AGMO: variants seen among roughly 807,000 people sequenced by gnomAD.
The protein encoded by AGMO is glyceryl-ether monooxygenase.
A neutral mutation model predicts 60.2 loss-of-function variants in AGMO; 75 were observed. The ratio of observed to expected loss-of-function variants is 1.25; its 90% CI spans 1.03 to 1.51. AGMO has a LOEUF of 1.51. AGMO is among the 40% of genes most tolerant of loss of function. AGMO has a pLI of 0.00. For missense variants in AGMO, 763 were observed against 525.5 expected, an observed-to-expected ratio of 1.45 and a Z score of -4.42; for synonymous variants, 261 against 177.1, an observed-to-expected ratio of 1.47 and a Z score of -3.76.
At chr7:15,349,147 A>G (rs1301149241) in intron 12 of AGMO, among the ~76,000 whole-genome samples, 2 of 152,122 alleles carry the variant, frequency 1.3e-5, no homozygotes, top group Admixed American at 1.3e-4. Context: ...TAAATGTTCT[A>G]TATACAGGCC....
At chr7:15,159,164 A>G in the AGMO span, among the ~76,000 whole-genome samples, 3 of 152,170 alleles carry the variant, frequency 2.0e-5, no homozygotes, top group Non-Finnish European at 2.9e-5. Flanking sequence ...TCCCTCAACA[A>G]TGACTGATTG....
intron 3 of AGMO, among the ~76,000 whole-genome samples, chr7:15,478,435 T>C (rs1266644255): frequency 6.6e-6 from 1 of 152,174 alleles, no homozygotes; most frequent in Non-Finnish European, 1.5e-5. Flanking sequence ...TTAACTGCTT[T>C]ATCCTTTCCA....
At chr7:15,344,886 A>C (rs1583433001) in intron 12 of AGMO, among the ~76,000 whole-genome samples, 1 of 152,168 alleles carries the variant, frequency 6.6e-6, no homozygotes, top group African/African-American at 2.4e-5. Context: ...ACTCTATCAC[A>C]TCAGTTAGAT....
chr7:15,265,878 G>C (rs182348633), intron 12 of AGMO, among the ~76,000 whole-genome samples: 1 of 152,186 alleles, frequency 6.6e-6, no homozygotes, highest in East Asian at 1.9e-4. Flanking sequence ...CATGGAGTCA[G>C]TGTATGTTCA....
intron 3 of AGMO, among the ~76,000 whole-genome samples, chr7:15,479,772 T>C (rs1782700624): frequency 6.6e-6 from 1 of 152,192 alleles, no homozygotes; most frequent in Admixed American, 6.5e-5. Flanking sequence ...ACATGGGCTC[T>C]GCTCTTTGAG....
intron 4 of AGMO, among the ~76,000 whole-genome samples, chr7:15,421,604 G>A (rs749515660): frequency 1.2e-4 from 18 of 152,074 alleles, no homozygotes; most frequent in African/African-American, 3.4e-4. Context: ...TAGCAGTGTC[G>A]GAAGACACCC....
At chr7:15,445,020 A>T (rs926002333) in intron 3 of AGMO, among the ~76,000 whole-genome samples, 4 of 152,116 alleles carry the variant, frequency 2.6e-5, no homozygotes, top group South Asian at 2.1e-4. Flanking sequence ...ATTTCTCTTT[A>T]TGTATTTGTG....
intron 12 of AGMO, among the ~76,000 whole-genome samples, chr7:15,356,070 G>C (rs78223130): frequency 0.014 from 2,168 of 152,222 alleles, 55 homozygotes; most frequent in African/African-American, 0.049. Flanking sequence ...TTAGAAATCT[G>C]ACAATTACAA....
intron 12 of AGMO, among the ~76,000 whole-genome samples, chr7:15,325,784 A>G (rs1245194916): frequency 6.6e-6 from 1 of 152,126 alleles, no homozygotes; most frequent in Non-Finnish European, 1.5e-5. Flanking sequence ...TTAATTTTTC[A>G]TTAGGATTAT....
intron 3 of AGMO, among the ~76,000 whole-genome samples, chr7:15,452,809 C>A (rs148342116): frequency 6.6e-6 from 1 of 151,840 alleles, no homozygotes; most frequent in African/African-American, 2.4e-5. Context: ...TTTAGAGTAG[C>A]CAAAAAGTGG....
the AGMO span, among the ~76,000 whole-genome samples, chr7:15,184,422 A>T: frequency 8.1e-6 from 1 of 123,294 alleles, no homozygotes; most frequent in Non-Finnish European, 1.7e-5. Flanking sequence ...GGAAGGAAGG[A>T]AAAGAAGGAA....
At chr7:15,407,581 T>C (rs1369172907) in intron 5 of AGMO, among the ~76,000 whole-genome samples, 3 of 151,766 alleles carry the variant, frequency 2.0e-5, no homozygotes, top group Non-Finnish European at 4.4e-5. Flanking sequence ...TTTCTAAGAA[T>C]ATGTTAAGTA....
At chr7:15,209,672 T>A (rs1299805911) in intron 12 of AGMO, among the ~76,000 whole-genome samples, 1 of 152,066 alleles carries the variant, frequency 6.6e-6, no homozygotes, top group Non-Finnish European at 1.5e-5. Flanking sequence ...AAGTCTCAAG[T>A]CATAAACTGC....
At chr7:15,273,734 T>C (rs1183309425) in intron 12 of AGMO, among the ~76,000 whole-genome samples, 3 of 152,214 alleles carry the variant, frequency 2.0e-5, no homozygotes, top group Non-Finnish European at 4.4e-5. Context: ...TTTCACGGTA[T>C]TGATTCTTCC....
chr7:15,384,624 G>T (rs1169384774), intron 10 of AGMO, among the ~76,000 whole-genome samples: 2 of 151,892 alleles, frequency 1.3e-5, no homozygotes, highest in Non-Finnish European at 2.9e-5. Flanking sequence ...GATTCACTGA[G>T]GTTTTTCATG....
intron 12 of AGMO, among the ~76,000 whole-genome samples, chr7:15,317,428 A>G (rs891018473): frequency 8.5e-5 from 13 of 152,146 alleles, no homozygotes; most frequent in Non-Finnish European, 1.8e-4. Flanking sequence ...ATAAATCATG[A>G]TAGAGTAATC....
At chr7:15,327,773 G>C (rs1781389321) in intron 12 of AGMO, among the ~76,000 whole-genome samples, 1 of 115,302 alleles carries the variant, frequency 8.7e-6, no homozygotes, top group Non-Finnish European at 1.7e-5. Context: ...TTTGAGACAA[G>C]GTCTCACTCT....
intron 5 of AGMO, among the ~76,000 whole-genome samples, chr7:15,395,643 A>G (rs1300334183): frequency 1.3e-5 from 2 of 152,226 alleles, no homozygotes; most frequent in Admixed American, 1.3e-4. Flanking sequence ...CAAATTAATC[A>G]AAATCTTGAG....
rs189120940 is a variant in AGMO at position 15,227,169 on chromosome 7, C to T, written c.1264-25810G>A. Among the ~76,000 whole-genome samples, 4 of 152,118 alleles carry T rather than the reference C, an allele frequency of 2.6e-5. No homozygotes were observed. The East Asian group carries it at 7.7e-4, about 29-fold the overall frequency. ...TGAACTCCTGCATACCAAACTGCAA[C>T]TTAACTTAGTACGTAACCAAATTGC... is the stretch of plus-strand genomic sequence containing the variant. On this transcript the variant is annotated intron_variant, in intron 12 of 12. Coordinates refer to ENST00000342526, the MANE Select transcript of AGMO (RefSeq NM_001004320.2).
Sources: gnomAD v4.1 joint callset for allele counts (sites outside exome capture counted in the v4.1 genomes callset) on GRCh38, gnomAD v4.1.1 for gene constraint, MANE v1.5 for transcripts, NCBI Gene and HGNC (gene_info 2026-07-23, HGNC 2026-07-21) for gene names.